The following PEAK1 variants were observed in gnomAD, a reference collection of about 807,000 sequenced individuals.
PEAK1 encodes inactive tyrosine-protein kinase PEAK1.
PEAK1 carries 54 observed loss-of-function variants against 124.7 expected under a neutral mutation model. The ratio of observed to expected loss-of-function variants is 0.43; its 90% confidence interval spans 0.35 to 0.54. The LOEUF is 0.54. Ranked by LOEUF, PEAK1 falls within the 20% of genes least tolerant of loss-of-function variation. The pLI, the probability that PEAK1 is intolerant of heterozygous loss-of-function variation, is 0.01. For synonymous variants in PEAK1, 719 were observed against 760.0 expected (o/e 0.95, Z 0.89); for missense variants, 2,046 against 2,134.5 (o/e 0.96, Z 0.82).
intron 6 of PEAK1, among the ~76,000 whole-genome samples, chr15:77,235,950 TG>T (rs1393777569): frequency 1.3e-5 from 2 of 152,156 alleles, no homozygotes; most frequent in African/African-American, 4.8e-5. Context: ...GTTGAGCCTG[TG>T]GGTGCACAGA....
Position 77,283,958 on chromosome 15 carries a change from GA to G in PEAK1, c.-351del, listed in dbSNP as rs1295567148. 6 of 982,658 alleles carry G rather than the reference GA, an allele frequency of 6.1e-6. No homozygotes were observed. Among genetic ancestry groups the G allele is most frequent in the Middle Eastern group, 5.3e-4 (1 of 1,904 alleles). 60.9% of individuals were successfully genotyped at this position (982,658 alleles called of 1,614,324 possible). On this transcript the variant is annotated 5_prime_UTR_variant, in exon 5 of 10. It removes the in-frame stop codon of an upstream open reading frame in the 5' UTR. Coordinates refer to ENST00000682557, the MANE Select transcript of PEAK1 (RefSeq NM_001385026.1). ...AGAAAATGTTTGTTTCTCCTTCTTG[GA>G]TTTTTTCATAAATCATTGAATTCTC...
Position 77,134,062 on chromosome 15 carries a change from T to C in PEAK1, c.3332-312A>G, listed in dbSNP as rs148929562. 4.7e-3 allele frequency among the ~76,000 whole-genome samples: 719 copies of C among 152,278 alleles called. 4 individuals carry two copies. The highest frequency in any genetic ancestry group is 0.016 in the African/African-American group (665 of 41,544). ...TCCAGTCCCACCCTTCAGAGTGCTA[T>C]ATATTCACCACACCAGAATATTAAG... On this transcript the variant is annotated intron_variant, in intron 8 of 9. Transcript: ENST00000682557.
intron 5 of PEAK1, among the ~76,000 whole-genome samples, chr15:77,257,648 T>C (rs1287112448): frequency 6.6e-6 from 1 of 151,774 alleles, no homozygotes; most frequent in Non-Finnish European, 1.5e-5. Context: ...GATGAGTAGG[T>C]TGCAAAAATT....
chr15:77,308,746 C>T (rs1458258790), intron 2 of PEAK1, among the ~76,000 whole-genome samples: 1 of 152,034 alleles, frequency 6.6e-6, no homozygotes, highest in Admixed American at 6.6e-5. Context: ...AGGCATCACC[C>T]CTTAATTAAA....
At chr15:77,288,387 A>G (rs1336789743) in intron 2 of PEAK1, among the ~76,000 whole-genome samples, 1 of 152,208 alleles carries the variant, frequency 6.6e-6, no homozygotes, top group Non-Finnish European at 1.5e-5. Flanking sequence ...CAGGTACAAG[A>G]TCACTTTCTC....
In PEAK1 at chr15:77,211,922, TA is replaced by T. The variant is rs1323542255; in HGVS notation, c.-114-29883del. ...ATTTATATTCAAAATTTATCATGATTAAAAATGCAAAATACTGTTTCCTTCT... is the reference window on the plus strand; with the variant it reads ...ATTTATATTCAAAATTTATCATGATTAAAATGCAAAATACTGTTTCCTTCT... On this transcript the variant is annotated intron_variant, in intron 6 of 9. Coordinates refer to ENST00000682557, the MANE Select transcript of PEAK1 (RefSeq NM_001385026.1). 2.0e-5 allele frequency among the ~76,000 whole-genome samples: 3 copies of T among 151,924 alleles called. No individual in the cohort carries two copies. The East Asian group carries it at 5.8e-4, about 29-fold the overall frequency.
rs1345428237 is a variant in PEAK1, at chr15:77,152,594, T to G, written c.3331+5909A>C. ...TTTTCAAAGGGAATGCTTCCAGTTTTTGCTCATTCAGTATGATATTGGCTG... is the reference window on the plus strand; with the variant it reads ...TTTTCAAAGGGAATGCTTCCAGTTTGTGCTCATTCAGTATGATATTGGCTG... On this transcript the variant is annotated intron_variant, in intron 8 of 9. Transcript: ENST00000682557. 2.6e-5 allele frequency among the ~76,000 whole-genome samples: 4 copies of G among 152,338 alleles called. No homozygotes were observed. The East Asian group carries it at 5.8e-4, about 22-fold the overall frequency.
At chr15:77,360,178 A>G (rs1479331649) in intron 2 of PEAK1, among the ~76,000 whole-genome samples, 2 of 152,218 alleles carry the variant, frequency 1.3e-5, no homozygotes, top group Non-Finnish European at 2.9e-5. Flanking sequence ...AGACAACTGG[A>G]TATCTACATA....
At chr15:77,276,412 CG>C (rs1364495383) in intron 5 of PEAK1, among the ~76,000 whole-genome samples, 1 of 152,100 alleles carries the variant, frequency 6.6e-6, no homozygotes, top group Non-Finnish European at 1.5e-5. Context: ...TTAAAAACCA[CG>C]GAAGCCAGAA....
At chr15:77,266,860 T>C (rs1362752138) in intron 5 of PEAK1, among the ~76,000 whole-genome samples, 1 of 152,096 alleles carries the variant, frequency 6.6e-6, no homozygotes, top group Admixed American at 6.6e-5. Flanking sequence ...ATTGCTGCTG[T>C]AGGCTCTGTG....
In PEAK1 at chr15:77,111,265, G is replaced by T. The variant is rs750306792; in HGVS notation, c.*2891C>A. Reference sequence around the variant, plus strand: ...AATGTGTGTGTATGTGTCTACAGAGGGTAGGATTTCTTTCCAGTTGATGAA... The same window carrying T: ...AATGTGTGTGTATGTGTCTACAGAGTGTAGGATTTCTTTCCAGTTGATGAA... On this transcript the variant is annotated 3_prime_UTR_variant, in exon 10 of 10. Transcript: ENST00000682557. 4 of 152,018 alleles carry T rather than the reference G, an allele frequency of 2.6e-5. No homozygotes were observed. The highest frequency in any genetic ancestry group is 4.8e-5 in the African/African-American group (2 of 41,382). 9.4% of individuals were successfully genotyped at this position (152,018 alleles called of 1,614,324 possible). A position where few individuals can be genotyped will look rare whatever the true frequency, so the allele number is the denominator to read the frequency against.
At chr15:77,173,940 T>G (rs2152809014) in intron 7 of PEAK1, among the ~76,000 whole-genome samples, 1 of 152,370 alleles carries the variant, frequency 6.6e-6, no homozygotes, top group Non-Finnish European at 1.5e-5. Context: ...AATAACATTT[T>G]TAAGCAGTCA....
At chr15:77,126,798 C>T (rs989392391) in intron 9 of PEAK1, among the ~76,000 whole-genome samples, 1 of 152,126 alleles carries the variant, frequency 6.6e-6, no homozygotes, top group South Asian at 2.1e-4. Context: ...TGCTGTGATG[C>T]CTTTTCATTT....
chr15:77,374,394 T>C (rs1247058789), intron 1 of PEAK1, among the ~76,000 whole-genome samples: 1 of 152,168 alleles, frequency 6.6e-6, no homozygotes, highest in Non-Finnish European at 1.5e-5. Flanking sequence ...GAGTTTATCT[T>C]TATAATTTAA....
chr15:77,212,373 A>G (rs2058944039), intron 6 of PEAK1, among the ~76,000 whole-genome samples: 1 of 152,202 alleles, frequency 6.6e-6, no homozygotes, highest in African/African-American at 2.4e-5. Flanking sequence ...TGTTCAAGTT[A>G]TTTGGATTTA....
At chr15:77,384,320 T>C (rs1197219595) in intron 1 of PEAK1, among the ~76,000 whole-genome samples, 2 of 152,176 alleles carry the variant, frequency 1.3e-5, no homozygotes, top group East Asian at 1.9e-4. Flanking sequence ...TCCTTCCAAA[T>C]GCAATCAGGT....
chr15:77,375,801 C>G (rs1474594908), intron 1 of PEAK1, among the ~76,000 whole-genome samples: 1 of 152,092 alleles, frequency 6.6e-6, no homozygotes, highest in African/African-American at 2.4e-5. Flanking sequence ...CGAGACCATC[C>G]TGGCTAACAC....
chr15:77,273,341 T>C (rs2062135901), intron 5 of PEAK1, among the ~76,000 whole-genome samples: 1 of 152,134 alleles, frequency 6.6e-6, no homozygotes, highest in African/African-American at 2.4e-5. Flanking sequence ...TGTTTGCTGA[T>C]GACATAATCA....
At chr15:77,215,269 T>C (rs972923322) in intron 6 of PEAK1, among the ~76,000 whole-genome samples, 1 of 152,224 alleles carries the variant, frequency 6.6e-6, no homozygotes, top group Non-Finnish European at 1.5e-5. Flanking sequence ...TAAAACTTCA[T>C]GTATTCTAGA....
Sources: gnomAD v4.1 joint callset for allele counts (sites outside exome capture counted in the v4.1 genomes callset) on GRCh38, gnomAD v4.1.1 for gene constraint, MANE v1.5 for transcripts, NCBI Gene and HGNC (gene_info 2026-07-23, HGNC 2026-07-21) for gene names.